The following PTPRG variants were observed in gnomAD, a reference collection of about 807,000 sequenced individuals.
PTPRG encodes the protein protein tyrosine phosphatase receptor type G.
In PTPRG, 102 loss-of-function variants were observed where a neutral mutation model predicts 165.3. The observed-to-expected ratio is 0.62, with a 90% CI of 0.53 to 0.73. The LOEUF (loss-of-function observed/expected upper bound fraction) is 0.73. PTPRG is among the 30% of genes least tolerant of loss of function. The pLI, the probability that PTPRG is intolerant of heterozygous loss-of-function variation, is 0.00. For missense variants in PTPRG, 1,866 were observed against 1,861.4 expected, an observed-to-expected ratio of 1.00 and a Z score of -0.05; for synonymous variants, 675 against 669.5, an observed-to-expected ratio of 1.01 and a Z score of -0.13.
intron 4 of PTPRG, among the ~76,000 whole-genome samples, chr3:62,033,916 C>G (rs971865575): frequency 6.6e-6 from 1 of 152,074 alleles, no homozygotes; most frequent in Non-Finnish European, 1.5e-5. Flanking sequence ...TACAGGCGCC[C>G]GCTAATGCCC....
intron 1 of PTPRG, among the ~76,000 whole-genome samples, chr3:61,608,082 C>G (rs1389294782): frequency 6.6e-6 from 1 of 151,990 alleles, no homozygotes; most frequent in Non-Finnish European, 1.5e-5. Flanking sequence ...TAGACTTGTC[C>G]TGTGGGTGGC....
chr3:61,930,531 C>G (rs1252815595), intron 2 of PTPRG, among the ~76,000 whole-genome samples: 1 of 152,070 alleles, frequency 6.6e-6, no homozygotes, highest in Non-Finnish European at 1.5e-5. Flanking sequence ...TTACTGTGAA[C>G]AACTGTTTTC....
At chr3:62,015,738 T>C (rs1479306341) in intron 4 of PTPRG, among the ~76,000 whole-genome samples, 4 of 152,072 alleles carry the variant, frequency 2.6e-5, no homozygotes, top group Non-Finnish European at 5.9e-5. Flanking sequence ...ATTGTAACAT[T>C]TCAGGAGAGA....
chr3:61,999,969 A>G (rs1325042891), intron 3 of PTPRG, among the ~76,000 whole-genome samples: 2 of 152,162 alleles, frequency 1.3e-5, no homozygotes, highest in African/African-American at 2.4e-5. Flanking sequence ...ATTCTGTTTT[A>G]GTGAACTAAA....
At chr3:62,138,736 A>G (rs1170329669) in intron 6 of PTPRG, among the ~76,000 whole-genome samples, 4 of 146,414 alleles carry the variant, frequency 2.7e-5, no homozygotes, top group African/African-American at 1.0e-4. Flanking sequence ...AAAAAAAAAA[A>G]GAAAGACGAA....
chr3:62,257,315 G>C (rs1482618736), intron 16 of PTPRG, among the ~76,000 whole-genome samples: 2 of 152,170 alleles, frequency 1.3e-5, no homozygotes, highest in East Asian at 1.9e-4. Context: ...TTTATAAACA[G>C]AGATAGTAAC....
chr3:62,276,896 C>A, intron 24 of PTPRG, 76 bp from the exon 25 acceptor site: 2 of 1,123,330 alleles, frequency 1.8e-6, no homozygotes, highest in Non-Finnish European at 2.7e-6. Flanking sequence ...ATTCATCAAG[C>A]AAATCTCAGA....
intron 12 of PTPRG, among the ~76,000 whole-genome samples, chr3:62,209,293 G>A (rs920640865): frequency 6.6e-6 from 1 of 152,028 alleles, no homozygotes; most frequent in African/African-American, 2.4e-5. Context: ...GTCATATGGC[G>A]CACAGGACAG....
At chr3:61,863,497 CTAGACTTAAT>C (rs1335776846) in intron 2 of PTPRG, among the ~76,000 whole-genome samples, 1 of 152,242 alleles carries the variant, frequency 6.6e-6, no homozygotes, top group Non-Finnish European at 1.5e-5. Context: ...TCCCAGTAGC[CTAGACTTAAT>C]TCCTGGCCTT....
chr3:61,658,938 C>T (rs1222406676), intron 1 of PTPRG, among the ~76,000 whole-genome samples: 17 of 152,162 alleles, frequency 1.1e-4, no homozygotes, highest in Admixed American at 1.1e-3. Context: ...GTGTTCAGAC[C>T]AGGAATGTAG....
Position 62,034,024 on chromosome 3 carries a change from C to T in PTPRG, c.519+30527C>T, listed in dbSNP as rs141845669. On this transcript the variant is annotated intron_variant, in intron 4 of 29. Transcript: ENST00000474889. ...CAGATAATCCTCCTGCCTCGGCCTT[C>T]CAAATTGCTGGGATTACAGGCATGA... 1.9e-4 allele frequency among the ~76,000 whole-genome samples: 29 copies of T among 152,310 alleles called. 1 individual carries two copies. In the Middle Eastern group the frequency reaches 0.02, roughly 107 times the overall value.
At chr3:61,678,527 T>C (rs1195523543) in intron 1 of PTPRG, among the ~76,000 whole-genome samples, 9 of 152,162 alleles carry the variant, frequency 5.9e-5, no homozygotes, top group East Asian at 1.9e-4. Flanking sequence ...CAGTCCATTG[T>C]AGCTGTACCC....
chr3:62,141,515 G>T (rs976043560), intron 6 of PTPRG, among the ~76,000 whole-genome samples: 2 of 152,004 alleles, frequency 1.3e-5, no homozygotes, highest in Non-Finnish European at 2.9e-5. Context: ...TGGGAGGATC[G>T]CTTGAGCCCA....
At chr3:61,795,744 A>G (rs2035025811) in intron 2 of PTPRG, among the ~76,000 whole-genome samples, 1 of 150,836 alleles carries the variant, frequency 6.6e-6, no homozygotes, top group African/African-American at 2.4e-5. Context: ...ATAAGTGCTT[A>G]GTATATACCG....
intron 1 of PTPRG, among the ~76,000 whole-genome samples, chr3:61,720,909 G>A (rs1051143111): frequency 1.3e-5 from 2 of 152,154 alleles, no homozygotes; most frequent in African/African-American, 2.4e-5. Flanking sequence ...TTTCTGCTGC[G>A]TTGGCCTTGA....
At chr3:61,585,611 G>A (rs1157068710) in intron 1 of PTPRG, among the ~76,000 whole-genome samples, 2 of 151,722 alleles carry the variant, frequency 1.3e-5, no homozygotes, top group African/African-American at 4.8e-5. Flanking sequence ...GCCAGGTGTG[G>A]TTCCGTGTGC....
chr3:61,669,399 A>ATCCCCAGACGCAGGTCCTAGGGCT (rs1702902464), intron 1 of PTPRG, among the ~76,000 whole-genome samples: 3 of 112,440 alleles, frequency 2.7e-5, no homozygotes, highest in South Asian at 7.8e-4. Context: ...GGAACATTGG[A>ATCCCCAGACGCAGGTCCTAGGGCT]TGTGTCTGTC....
chr3:61,993,304 G>A lies in PTPRG; in HGVS notation c.370+3500G>A, dbSNP rs144362520. On this transcript the variant is annotated intron_variant, in intron 3 of 29. Transcript: ENST00000474889. Reference sequence around the variant, plus strand: ...GTGATCTCAGCTCACCGCAACCTCCGCCTCCCGGGTTTAAGCAATTCTCCT... The same window carrying A: ...GTGATCTCAGCTCACCGCAACCTCCACCTCCCGGGTTTAAGCAATTCTCCT... Among the ~76,000 whole-genome samples, 803 of 151,652 alleles carry A rather than the reference G, an allele frequency of 5.3e-3. 6 individuals carry two copies. Among genetic ancestry groups the A allele is most frequent in the African/African-American group, 0.019 (772 of 41,304 alleles).
intron 2 of PTPRG, among the ~76,000 whole-genome samples, chr3:61,876,065 A>G (rs1226689085): frequency 6.6e-6 from 1 of 152,258 alleles, no homozygotes; most frequent in Non-Finnish European, 1.5e-5. Context: ...TGGTAGCCCA[A>G]TATCAGTCAG....
Sources: allele counts gnomAD v4.1 joint callset (sites outside exome capture counted in the v4.1 genomes callset), GRCh38; gene constraint gnomAD v4.1.1; transcripts MANE v1.5; gene names NCBI Gene and HGNC (gene_info 2026-07-23, HGNC 2026-07-21).